The following RYR2 variants were observed in gnomAD, a reference collection of about 807,000 sequenced individuals.
RYR2 encodes cardiac muscle ryanodine receptor-calcium release channel.
A neutral mutation model predicts 601.1 loss-of-function variants in RYR2; 227 were observed. The ratio of observed to expected loss-of-function variants is 0.38; its 90% CI spans 0.34 to 0.42. The LOEUF is 0.42. Among genes scored for constraint, RYR2 ranks in the 10% least tolerant of loss-of-function variants. The pLI is 1.00. For missense variants in RYR2, 4,646 were observed against 6,156.5 expected (o/e 0.75, Z 8.21); for synonymous variants, 2,223 against 2,175.1 (o/e 1.02, Z -0.61).
intron 1 of RYR2, among the ~76,000 whole-genome samples, chr1:237,196,264 T>A (rs2149025708): frequency 6.6e-6 from 1 of 152,302 alleles, no homozygotes; most frequent in Non-Finnish European, 1.5e-5. Flanking sequence ...TCGGATAACT[T>A]GGGTAGAACA....
chr1:237,054,038 G>A (rs747628917), intron 1 of RYR2, among the ~76,000 whole-genome samples: 4 of 152,158 alleles, frequency 2.6e-5, no homozygotes, highest in Non-Finnish European at 4.4e-5. Flanking sequence ...GCGGTTAATT[G>A]CATTAATACA....
At chr1:237,686,881 T>A (rs1686439496) in intron 62 of RYR2, among the ~76,000 whole-genome samples, 1 of 152,206 alleles carries the variant, frequency 6.6e-6, no homozygotes, top group Non-Finnish European at 1.5e-5. Flanking sequence ...TCAAATTCTG[T>A]TCCTACTTTA....
chr1:237,179,868 T>C (rs1678507020), intron 1 of RYR2, among the ~76,000 whole-genome samples: 1 of 152,102 alleles, frequency 6.6e-6, no homozygotes, highest in Admixed American at 6.5e-5. Flanking sequence ...GCAACATCTA[T>C]TGTCTTTGCA....
At chr1:237,713,591 GT>G (rs1274762839) in intron 71 of RYR2, among the ~76,000 whole-genome samples, 1 of 152,046 alleles carries the variant, frequency 6.6e-6, no homozygotes, top group African/African-American at 2.4e-5. Context: ...TAGAGACAGG[GT>G]TTCACCATAT....
At chr1:237,096,096 A>G (rs1667478148) in intron 1 of RYR2, among the ~76,000 whole-genome samples, 1 of 152,050 alleles carries the variant, frequency 6.6e-6, no homozygotes, top group Admixed American at 6.6e-5. Context: ...ATTGTTTGGG[A>G]CTTTTATAGA....
chr1:237,591,936 A>C (rs1366890345), intron 32 of RYR2, 83 bp downstream of exon 32: 3 of 902,692 alleles, frequency 3.3e-6, no homozygotes, highest in Middle Eastern at 2.2e-4. Context: ...CCGATTCATC[A>C]TACTTAGTAA....
rs569672497 is a variant in RYR2 at position 237,050,193 on chromosome 1, A to C, written c.48+7624A>C. ...AGACCTCCCCTGGATGGCTGGGTGC[A>C]GGTACTTACCACCCACCAACCGATG... On this transcript the variant is annotated intron_variant, in intron 1 of 104. Transcript: ENST00000366574. 3.9e-5 allele frequency among the ~76,000 whole-genome samples: 6 copies of C among 152,346 alleles called. No homozygotes were observed. The East Asian group carries it at 1.2e-3, about 29-fold the overall frequency.
In RYR2 at chr1:237,801,840, T is replaced by TA; in HGVS notation, c.14091-16_14091-15insA. 6.4e-7 allele frequency: 1 copy of TA among 1,570,368 alleles called. No individual in the cohort carries two copies. Reference sequence around the variant, plus strand: ...TAATGTGCATAACTACGCATTTTTTTTTTTTGTCATTGCAGACTGAACTCC... The same window carrying TA: ...TAATGTGCATAACTACGCATTTTTTTATTTTTGTCATTGCAGACTGAACTCC... On this transcript the variant is annotated splice_polypyrimidine_tract_variant and intron_variant, in intron 97 of 104. Coordinates refer to ENST00000366574, the MANE Select transcript of RYR2 (RefSeq NM_001035.3).
intron 12 of RYR2, among the ~76,000 whole-genome samples, chr1:237,425,252 T>C (rs578184464): frequency 5.9e-4 from 90 of 152,308 alleles, no homozygotes; most frequent in Middle Eastern, 3.4e-3. Context: ...TCCTTCCTAA[T>C]CATTTTTCTT....
At chr1:237,642,412 AGG>A (rs1286320604) in intron 47 of RYR2, among the ~76,000 whole-genome samples, 1 of 152,188 alleles carries the variant, frequency 6.6e-6, no homozygotes, top group African/African-American at 2.4e-5. Context: ...TCTGTGCTGG[AGG>A]TGATTACTGA....
intron 63 of RYR2, among the ~76,000 whole-genome samples, chr1:237,694,148 G>T (rs915876463): frequency 9.9e-5 from 15 of 152,058 alleles, no homozygotes; most frequent in African/African-American, 3.1e-4. Context: ...CAAAAAATTA[G>T]CCGGGCGTGG....
At chr1:237,584,909 T>A (rs923844374) in intron 29 of RYR2, among the ~76,000 whole-genome samples, 6 of 151,452 alleles carry the variant, frequency 4.0e-5, no homozygotes, top group Admixed American at 2.6e-4. Context: ...ATTTGTTATT[T>A]TTTTTTTTTC....
chr1:237,793,815 G>C (rs1658747593), intron 94 of RYR2, 52 bp from the exon 95 acceptor site: 2 of 1,401,464 alleles, frequency 1.4e-6, no homozygotes, highest in Non-Finnish European at 2.0e-6. Flanking sequence ...GTGACCACAA[G>C]ATATGCCAGT....
intron 16 of RYR2, among the ~76,000 whole-genome samples, chr1:237,457,163 T>G (rs1039633116): frequency 2.6e-5 from 4 of 152,146 alleles, no homozygotes; most frequent in African/African-American, 9.7e-5. Flanking sequence ...GGATGTGTGT[T>G]AAATATTTCC....
intron 1 of RYR2, among the ~76,000 whole-genome samples, chr1:237,210,685 A>G (rs1203406982): frequency 6.6e-6 from 1 of 152,098 alleles, no homozygotes. Context: ...TCTTGTGACA[A>G]TCTCTGCAAA....
intron 25 of RYR2, among the ~76,000 whole-genome samples, chr1:237,537,570 C>T (rs947654229): frequency 5.0e-4 from 76 of 152,282 alleles, no homozygotes; most frequent in African/African-American, 1.7e-3. Flanking sequence ...CTGCCTTGGC[C>T]TCCCAAATTG....
intron 1 of RYR2, among the ~76,000 whole-genome samples, chr1:237,253,841 A>T (rs1387064890): frequency 6.6e-6 from 1 of 152,220 alleles, no homozygotes; most frequent in Non-Finnish European, 1.5e-5. Context: ...GGTGCCTGGT[A>T]CACCAGATGA....
intron 53 of RYR2, among the ~76,000 whole-genome samples, chr1:237,656,354 T>C (rs590705): frequency 0.36 from 54,304 of 151,966 alleles, 11,149 homozygotes; most frequent in African/African-American, 0.55. Flanking sequence ...CAGCATGCAC[T>C]GCAAAGCTGT....
At chr1:237,413,342 A>G (rs1704625008) in intron 10 of RYR2, among the ~76,000 whole-genome samples, 1 of 152,202 alleles carries the variant, frequency 6.6e-6, no homozygotes, top group African/African-American at 2.4e-5. Flanking sequence ...GGAGGATTCA[A>G]CTTTCCTTTT....
Sources: gnomAD v4.1 joint callset for allele counts (sites outside exome capture counted in the v4.1 genomes callset) on GRCh38, gnomAD v4.1.1 for gene constraint, MANE v1.5 for transcripts, NCBI Gene and HGNC (gene_info 2026-07-23, HGNC 2026-07-21) for gene names.